LRMDA: variants seen among roughly 807,000 people sequenced by gnomAD.
LRMDA encodes the protein leucine rich melanocyte differentiation associated.
In LRMDA, 18 loss-of-function variants were observed where a neutral mutation model predicts 29.8. The observed-to-expected ratio is 0.60, with a 90% CI of 0.42 to 0.90. LRMDA has a LOEUF of 0.90. LRMDA is among the 40% of genes least tolerant of loss of function. The probability of loss-of-function intolerance (pLI) is 0.00; values close to 1 mark genes in which losing one functional copy is unlikely to be tolerated. For synonymous variants in LRMDA, 125 were observed against 109.4 expected (o/e 1.14, Z -0.89); for missense variants, 273 against 273.9 (o/e 1.00, Z 0.02).
intron 2 of LRMDA, among the ~76,000 whole-genome samples, chr10:75,475,328 G>A (rs2132048835): frequency 6.6e-6 from 1 of 152,282 alleles, no homozygotes; most frequent in Non-Finnish European, 1.5e-5. Flanking sequence ...GGTGGCTAGA[G>A]CCCATGCCTT....
intron 5 of LRMDA, 22 bp downstream of exon 5, chr10:76,058,805 C>G (rs1449944062): frequency 6.4e-7 from 1 of 1,554,716 alleles, no homozygotes; most frequent in Non-Finnish European, 8.9e-7. Context: ...ACTTGCTGTT[C>G]TTCACAAGGG....
At chr10:76,511,729 C>T (rs147472450) in intron 6 of LRMDA, among the ~76,000 whole-genome samples, 2 of 150,772 alleles carry the variant, frequency 1.3e-5, no homozygotes, top group Admixed American at 6.6e-5. Context: ...TAAAGAAGAG[C>T]AAAATAATAG....
At chr10:75,645,013 G>T (rs1191894653) in intron 2 of LRMDA, among the ~76,000 whole-genome samples, 2 of 149,398 alleles carry the variant, frequency 1.3e-5, no homozygotes, top group Non-Finnish European at 3.0e-5. Flanking sequence ...TTGAGACAGG[G>T]TCACTGTCTC....
intron 2 of LRMDA, among the ~76,000 whole-genome samples, chr10:75,715,609 G>A (rs1447354283): frequency 6.6e-6 from 1 of 152,082 alleles, no homozygotes; most frequent in Non-Finnish European, 1.5e-5. Context: ...GAGACGCACA[G>A]TATTTAGCCA....
intron 2 of LRMDA, among the ~76,000 whole-genome samples, chr10:75,579,042 A>C (rs1407732785): frequency 6.6e-6 from 1 of 152,192 alleles, no homozygotes; most frequent in Non-Finnish European, 1.5e-5. Flanking sequence ...AAAATCTAGC[A>C]GAAGGCAAGA....
chr10:75,738,130 C>G (rs1043656388), intron 2 of LRMDA, among the ~76,000 whole-genome samples: 8 of 152,138 alleles, frequency 5.3e-5, no homozygotes, highest in Non-Finnish European at 1.2e-4. Context: ...TCCAAGTGTC[C>G]CTGCCCTCTA....
chr10:76,215,561 G>A (rs900510208), intron 5 of LRMDA, among the ~76,000 whole-genome samples: 6 of 151,842 alleles, frequency 4.0e-5, no homozygotes, highest in African/African-American at 1.4e-4. Context: ...GTGTGCATCC[G>A]TCACATTTGT....
At chr10:75,438,930 G>T (rs56316827) in intron 2 of LRMDA, among the ~76,000 whole-genome samples, 2 of 152,304 alleles carry the variant, frequency 1.3e-5, no homozygotes, top group Non-Finnish European at 2.9e-5. Context: ...GGTAGGGTGT[G>T]TGTATGTGTG....
At chr10:75,498,484 G>A (rs753474865) in intron 2 of LRMDA, among the ~76,000 whole-genome samples, 5 of 152,210 alleles carry the variant, frequency 3.3e-5, no homozygotes, top group Non-Finnish European at 7.3e-5. Flanking sequence ...GTGCATGCGT[G>A]CGTGTGTGTG....
intron 2 of LRMDA, among the ~76,000 whole-genome samples, chr10:75,947,076 C>A (rs1846488665): frequency 6.6e-6 from 1 of 152,192 alleles, no homozygotes; most frequent in Admixed American, 6.5e-5. Context: ...AACCATTTTG[C>A]TTTGGCGTGA....
chr10:75,961,570 G>A (rs1332686914), intron 2 of LRMDA, among the ~76,000 whole-genome samples: 1 of 152,182 alleles, frequency 6.6e-6, no homozygotes, highest in Non-Finnish European at 1.5e-5. Flanking sequence ...GAAGCCTGAA[G>A]CATCGACTTT....
At chr10:75,488,131 G>A (rs1036910948) in intron 2 of LRMDA, among the ~76,000 whole-genome samples, 3 of 152,118 alleles carry the variant, frequency 2.0e-5, no homozygotes, top group Non-Finnish European at 2.9e-5. Context: ...GCTAAATGGT[G>A]TATGCCCTGC....
chr10:75,936,886 A>G (rs1363508669), intron 2 of LRMDA, among the ~76,000 whole-genome samples: 1 of 152,212 alleles, frequency 6.6e-6, no homozygotes, highest in East Asian at 1.9e-4. Context: ...CATTCAGATC[A>G]TAGCATTCAG....
At chr10:76,384,700 G>C (rs946641983) in intron 6 of LRMDA, among the ~76,000 whole-genome samples, 4 of 152,142 alleles carry the variant, frequency 2.6e-5, no homozygotes, top group African/African-American at 9.7e-5. Context: ...TCTTTAGTAC[G>C]TAAAGTCTAG....
intron 2 of LRMDA, among the ~76,000 whole-genome samples, chr10:75,461,354 G>A (rs549331690): frequency 1.3e-5 from 2 of 152,248 alleles, no homozygotes; most frequent in Non-Finnish European, 2.9e-5. Context: ...TATAGAGAGG[G>A]CTCCTCTTTA....
At chr10:75,528,951 G>A (rs987403527) in intron 2 of LRMDA, among the ~76,000 whole-genome samples, 1 of 152,086 alleles carries the variant, frequency 6.6e-6, no homozygotes, top group African/African-American at 2.4e-5. Context: ...AATGAAAAAT[G>A]TACAGGAGGC....
At chr10:75,551,054 CT>C (rs561786900) in intron 2 of LRMDA, among the ~76,000 whole-genome samples, 22 of 150,218 alleles carry the variant, frequency 1.5e-4, no homozygotes, top group Non-Finnish European at 2.1e-4. Context: ...TTTTTTTAAC[CT>C]GGGAAAATGT....
chr10:75,859,143 T>A (rs1393612608), intron 2 of LRMDA, among the ~76,000 whole-genome samples: 1 of 152,226 alleles, frequency 6.6e-6, no homozygotes, highest in Non-Finnish European at 1.5e-5. Context: ...TGGGTGTTGG[T>A]CATTTTTGGT....
intron 2 of LRMDA, among the ~76,000 whole-genome samples, chr10:76,016,178 G>T (rs1281628997): frequency 6.6e-6 from 1 of 152,156 alleles, no homozygotes; most frequent in Non-Finnish European, 1.5e-5. Context: ...CAACTGCAAT[G>T]GAGGTTTTAT....
Sources: gnomAD v4.1 joint callset for allele counts (sites outside exome capture counted in the v4.1 genomes callset) on GRCh38, gnomAD v4.1.1 for gene constraint, MANE v1.5 for transcripts, NCBI Gene and HGNC (gene_info 2026-07-23, HGNC 2026-07-21) for gene names.